The following SLC5A11 variants were observed in gnomAD, a reference collection of about 807,000 sequenced individuals.
SLC5A11 encodes the protein solute carrier family 5 member 11.
In SLC5A11, 48 loss-of-function variants were observed where a neutral mutation model predicts 69.8. The observed-to-expected ratio is 0.69, with a 90% CI of 0.55 to 0.87. SLC5A11 has a LOEUF of 0.87. Ranked by LOEUF, SLC5A11 falls within the 40% of genes least tolerant of loss-of-function variation. SLC5A11 has a pLI of 0.00. For missense variants in SLC5A11, 784 were observed against 866.1 expected (o/e 0.91, Z 1.19); for synonymous variants, 319 against 342.4 (o/e 0.93, Z 0.75).
At chr16:24,909,030 G>A in exon 14 of SLC5A11, 1 of 1,614,120 alleles carries the variant, frequency 6.2e-7, no homozygotes, top group Non-Finnish European at 8.5e-7. Flanking sequence ...CCATGATCCT[G>A]TCCACGGTCA....
chr16:24,905,653 C>A (rs1294104729), intron 10 of SLC5A11, among the ~76,000 whole-genome samples: 1 of 150,450 alleles, frequency 6.6e-6, no homozygotes, highest in Non-Finnish European at 1.5e-5. Context: ...CACACACACA[C>A]ACACACACAC....
Position 24,901,863 on chromosome 16 carries a change from T to C in SLC5A11, c.1006+3754T>C, listed in dbSNP as rs1036506399. Among the ~76,000 whole-genome samples, 3 of 150,706 alleles carry C rather than the reference T, an allele frequency of 2.0e-5. No homozygotes were observed. The Admixed American group carries it at 2.0e-4, about 10-fold the overall frequency. On this transcript the variant is annotated intron_variant, in intron 10 of 15. Coordinates refer to ENST00000347898, the Ensembl canonical transcript of SLC5A11. The stretch of plus-strand genomic sequence containing the variant: ...TCTTTGGGAGGCCAAGGCAGGAAGA[T>C]CGCTTGAGCCCAGGAGTTTGAGACC...
In SLC5A11 at chr16:24,902,546, CTTT is replaced by C. The variant is rs35191056; in HGVS notation, c.1007-4095_1007-4093del. On this transcript the variant is annotated intron_variant, in intron 10 of 15. Transcript: ENST00000347898. ...TTAACAACCAATCAGCCAATCAAGT[CTTT>C]TTTTTTTTTTTTTTTGAGACGGTGT... Among the ~76,000 whole-genome samples the C allele has an allele frequency of 1.7e-4, 22 of 130,270 alleles. 1 individual carries two copies. The highest frequency in any genetic ancestry group is 4.9e-4 in the Admixed American group (6 of 12,248). The allele number at this position is 130,270 out of a possible 152,430, so 85.5% of individuals were successfully genotyped here. A position where few individuals can be genotyped will look rare whatever the true frequency, so the allele number is the denominator to read the frequency against.
Position 24,849,590 on chromosome 16 carries a change from AAAAATAT to A in SLC5A11, c.-25+3154_-25+3160del, listed in dbSNP as rs1343866390. On this transcript the variant is annotated intron_variant, in intron 1 of 15. Transcript: ENST00000347898. ...TTGGGGGCAAAAAAAAAAAAAAAAA[AAAAATAT>A]ATATATATATATATATATATATATA... Among the ~76,000 whole-genome samples the A allele has an allele frequency of 6.6e-3, 587 of 88,640 alleles. 6 individuals are homozygous for A. The highest frequency in any genetic ancestry group is 0.01 in the African/African-American group (231 of 22,726). 58.2% of individuals were successfully genotyped at this position (88,640 alleles called of 152,430 possible).
chr16:24,909,368 G>C (rs115262310), intron 14 of SLC5A11, among the ~76,000 whole-genome samples: 2 of 152,052 alleles, frequency 1.3e-5, no homozygotes, highest in Admixed American at 6.6e-5. Flanking sequence ...GCTGGGGTGC[G>C]GTGGCTCATG....
Position 24,902,520 on chromosome 16 carries a change from C to G in SLC5A11, c.1007-4137C>G, listed in dbSNP as rs2049710949. Among the ~76,000 whole-genome samples the G allele has an allele frequency of 4.0e-5, 6 of 148,490 alleles. No individual in the cohort carries two copies. In the Admixed American group the frequency reaches 4.1e-4, roughly 10 times the overall value. ...CAATAACAAGACCTTGACCATCTGT[C>G]TTAACAACCAATCAGCCAATCAAGT... On this transcript the variant is annotated intron_variant, in intron 10 of 15. Coordinates refer to ENST00000347898, the Ensembl canonical transcript of SLC5A11.
intron 5 of SLC5A11, 45 bp downstream of exon 6, chr16:24,872,264 T>A (rs201512804): frequency 6.2e-7 from 1 of 1,608,670 alleles, no homozygotes; most frequent in Admixed American, 1.7e-5. Context: ...AAAGATGCTT[T>A]GGGAATCTCA....
intron 2 of SLC5A11, among the ~76,000 whole-genome samples, chr16:24,860,765 G>A (rs1352979793): frequency 2.6e-5 from 4 of 151,970 alleles, no homozygotes; most frequent in Admixed American, 2.6e-4. Flanking sequence ...GAGTGCACTG[G>A]TGCAATCTCA....
At chr16:24,885,884 G>A (rs1466865301) in intron 8 of SLC5A11, among the ~76,000 whole-genome samples, 1 of 151,888 alleles carries the variant, frequency 6.6e-6, no homozygotes, top group Admixed American at 6.6e-5. Context: ...GAGAATAGAA[G>A]CGGATAAAAA....
chr16:24,862,995 C>CATATATTTATGTAATATATAGTT (rs2046689595), intron 3 of SLC5A11, among the ~76,000 whole-genome samples: 2 of 127,824 alleles, frequency 1.6e-5, no homozygotes, highest in African/African-American at 6.2e-5. Flanking sequence ...AATATATAAT[C>CATATATTTATGTAATATATAGTT]ATATATTTAT....
intron 1 of SLC5A11, among the ~76,000 whole-genome samples, chr16:24,851,819 C>G (rs1275149488): frequency 2.0e-5 from 3 of 152,188 alleles, no homozygotes; most frequent in African/African-American, 4.8e-5. Context: ...GGAGGCAGAG[C>G]TGGGATCTGA....
At chr16:24,883,910 G>A in intron 7 of SLC5A11, 141 bp from the exon 9 acceptor site, 1 of 691,260 alleles carries the variant, frequency 1.4e-6, no homozygotes, top group South Asian at 1.9e-5. Flanking sequence ...ACACAGGGAG[G>A]AGTGATCGTG....
chr16:24,866,455 G>A (rs192282910), intron 3 of SLC5A11, among the ~76,000 whole-genome samples: 2 of 151,862 alleles, frequency 1.3e-5, no homozygotes, highest in Admixed American at 1.3e-4. Context: ...ACATGTGCCT[G>A]TAGTCCCAGC....
chr16:24,856,655 C>T (rs917601746), intron 1 of SLC5A11, among the ~76,000 whole-genome samples: 3 of 148,564 alleles, frequency 2.0e-5, no homozygotes, highest in Non-Finnish European at 4.5e-5. Flanking sequence ...CCTGTAGTCC[C>T]AGCTACTCAG....
At chr16:24,898,467 C>T (rs1188692547) in intron 10 of SLC5A11, among the ~76,000 whole-genome samples, 1 of 151,504 alleles carries the variant, frequency 6.6e-6, no homozygotes, top group East Asian at 1.9e-4. Flanking sequence ...GCCTTGGCCT[C>T]TCAAAGTGCT....
intron 9 of SLC5A11, among the ~76,000 whole-genome samples, chr16:24,896,884 C>T (rs536961465): frequency 6.7e-6 from 1 of 149,436 alleles, no homozygotes; most frequent in Admixed American, 6.7e-5. Context: ...AGCAGCTCTA[C>T]ACTACCTTCA....
At chr16:24,868,917 G>A (rs1247424664) in intron 3 of SLC5A11, among the ~76,000 whole-genome samples, 1 of 150,106 alleles carries the variant, frequency 6.7e-6, no homozygotes, top group South Asian at 2.1e-4. Flanking sequence ...GTCCAGGCTG[G>A]AGTGCAGTGG....
intron 1 of SLC5A11, among the ~76,000 whole-genome samples, chr16:24,847,268 CCTCT>C (rs144663143): frequency 0.014 from 2,171 of 150,328 alleles, 51 homozygotes; most frequent in African/African-American, 0.05. Context: ...CTCCCTCCCA[CCTCT>C]CTGTTTCTCT....
At chr16:24,848,006 T>C (rs1251465285) in intron 1 of SLC5A11, among the ~76,000 whole-genome samples, 6 of 152,148 alleles carry the variant, frequency 3.9e-5, no homozygotes, top group Non-Finnish European at 5.9e-5. Flanking sequence ...AGCAAAAAGC[T>C]TGGGGACCCA....
Sources: allele counts gnomAD v4.1 joint callset (sites outside exome capture counted in the v4.1 genomes callset), GRCh38; gene constraint gnomAD v4.1.1; transcripts MANE v1.5; gene names NCBI Gene and HGNC (gene_info 2026-07-23, HGNC 2026-07-21).